Variants in TMEM26 observed in about 807,000 individuals in gnomAD.
The protein encoded by TMEM26 is transmembrane protein 26.
TMEM26 carries 38 observed loss-of-function variants against 28.8 expected under a neutral mutation model. The observed-to-expected ratio is 1.32, with a 90% confidence interval of 1.02 to 1.73. The LOEUF (loss-of-function observed/expected upper bound fraction) is 1.73, where lower values mean the gene tolerates loss of function less well. Among genes scored for constraint, TMEM26 ranks in the 40% most tolerant of loss-of-function variants. The pLI, the probability that TMEM26 is intolerant of heterozygous loss-of-function variation, is 0.00. For missense variants in TMEM26, 518 were observed against 447.1 expected (o/e 1.16, Z -1.43); for synonymous variants, 227 against 182.9 (o/e 1.24, Z -1.95).
intron 1 of TMEM26, among the ~76,000 whole-genome samples, chr10:61,447,748 C>T (rs1215408929): frequency 6.6e-6 from 1 of 152,086 alleles, no homozygotes; most frequent in Non-Finnish European, 1.5e-5. Context: ...TGTTATCCTC[C>T]CCATGCCTGG....
At chr10:61,435,017 T>A (rs1467646570) in intron 2 of TMEM26, among the ~76,000 whole-genome samples, 1 of 152,178 alleles carries the variant, frequency 6.6e-6, no homozygotes, top group African/African-American at 2.4e-5. Flanking sequence ...AACTATGAAG[T>A]CAAAGCTGGA....
Position 61,408,671 on chromosome 10 carries a change from A to G in TMEM26, c.*1651T>C, listed in dbSNP as rs779307207. The G allele has an allele frequency of 6.6e-6, 1 of 152,224 alleles. No individual in the cohort carries two copies. The highest frequency in any genetic ancestry group is 1.5e-5 in the Non-Finnish European group (1 of 68,032). The allele number at this position is 152,224 out of a possible 1,614,324, so 9.4% of individuals were successfully genotyped here. A position where few individuals can be genotyped will look rare whatever the true frequency, so the allele number is the denominator to read the frequency against. Reference sequence around the variant, plus strand: ...TTGTCAAGTGATTTACTTCATATAAATATAATTTCTTGATCTTAACTTTCA... The same window carrying G: ...TTGTCAAGTGATTTACTTCATATAAGTATAATTTCTTGATCTTAACTTTCA... On this transcript the variant is annotated 3_prime_UTR_variant, in exon 6 of 6. Coordinates refer to ENST00000399298, the MANE Select transcript of TMEM26 (RefSeq NM_178505.8).
intron 4 of TMEM26, among the ~76,000 whole-genome samples, chr10:61,425,847 T>A (rs1277395268): frequency 1.3e-5 from 2 of 152,136 alleles, no homozygotes; most frequent in African/African-American, 4.8e-5. Flanking sequence ...GGTGGGAATA[T>A]AAATTAATAC....
chr10:61,448,934 T>A (rs1386577711), intron 1 of TMEM26, among the ~76,000 whole-genome samples: 4 of 152,198 alleles, frequency 2.6e-5, no homozygotes, highest in Non-Finnish European at 5.9e-5. Flanking sequence ...TGTCACAGTC[T>A]TAGTAATTTT....
intron 1 of TMEM26, 169 bp downstream of exon 1, chr10:61,452,722 G>T: frequency 1.3e-6 from 1 of 783,830 alleles, no homozygotes; most frequent in Non-Finnish European, 2.0e-6. Context: ...GGTGGCCCTG[G>T]GGTGCCCAAG....
At chr10:61,417,738 A>G (rs961678249) in intron 4 of TMEM26, among the ~76,000 whole-genome samples, 20 of 152,008 alleles carry the variant, frequency 1.3e-4, no homozygotes, top group African/African-American at 4.8e-4. Flanking sequence ...TGTTGGGGGG[A>G]AAAAAGACTG....
chr10:61,451,336 G>A (rs1263081397), intron 1 of TMEM26, among the ~76,000 whole-genome samples: 1 of 152,142 alleles, frequency 6.6e-6, no homozygotes, highest in Admixed American at 6.5e-5. Flanking sequence ...TCTTGGAGGG[G>A]GAGAGCAGCC....
chr10:61,415,724 C>G (rs763822848), intron 4 of TMEM26, among the ~76,000 whole-genome samples: 30 of 151,968 alleles, frequency 2.0e-4, no homozygotes, highest in Non-Finnish European at 3.7e-4. Flanking sequence ...TAGGTCTGCT[C>G]TATTCTACAA....
chr10:61,443,920 T>C (rs749305038), intron 1 of TMEM26, among the ~76,000 whole-genome samples: 9 of 152,304 alleles, frequency 5.9e-5, no homozygotes, highest in Non-Finnish European at 8.8e-5. Context: ...AGGATCTACA[T>C]ACTATCTTTC....
At chr10:61,452,395 G>A (rs1840301711) in intron 1 of TMEM26, among the ~76,000 whole-genome samples, 2 of 152,240 alleles carry the variant, frequency 1.3e-5, no homozygotes, top group Admixed American at 6.5e-5. Context: ...AACCACAGAC[G>A]TGCAGCGAGG....
At position 61,448,268 on chromosome 10, in the gene TMEM26, G is replaced by A. The variant is rs573331933; in HGVS notation, c.191+4623C>T. On this transcript the variant is annotated intron_variant, in intron 1 of 5. Transcript: ENST00000399298. ...AAATGCTGTCAAGTTCCCTGTTCCC[G>A]ACCCAATATTCTGCAGCATATCCTT... 9.2e-5 allele frequency among the ~76,000 whole-genome samples: 14 copies of A among 152,288 alleles called. No individual in the cohort carries two copies. In the South Asian group the frequency reaches 2.5e-3, roughly 27 times the overall value.
intron 1 of TMEM26, among the ~76,000 whole-genome samples, chr10:61,443,709 T>G (rs1840133750): frequency 1.3e-5 from 2 of 152,140 alleles, no homozygotes; most frequent in Admixed American, 1.3e-4. Context: ...GTTGTTGCAA[T>G]TTAAAAAAAG....
At chr10:61,451,679 G>C (rs1432781434) in intron 1 of TMEM26, among the ~76,000 whole-genome samples, 1 of 152,122 alleles carries the variant, frequency 6.6e-6, no homozygotes, top group Non-Finnish European at 1.5e-5. Context: ...GGAGCCAGGG[G>C]TAGTCACATT....
At chr10:61,426,105 A>G (rs1223937605) in intron 4 of TMEM26, among the ~76,000 whole-genome samples, 3 of 152,158 alleles carry the variant, frequency 2.0e-5, no homozygotes, top group African/African-American at 7.2e-5. Flanking sequence ...ACTAGCAACT[A>G]AAGAGGAGCT....
chr10:61,426,087 A>T (rs1839826759), intron 4 of TMEM26, among the ~76,000 whole-genome samples: 1 of 152,162 alleles, frequency 6.6e-6, no homozygotes, highest in South Asian at 2.1e-4. Flanking sequence ...ATATGTGTTT[A>T]ATGGAACACT....
intron 5 of TMEM26, among the ~76,000 whole-genome samples, chr10:61,412,655 T>C (rs186269227): frequency 6.6e-6 from 1 of 152,240 alleles, no homozygotes; most frequent in East Asian, 1.9e-4. Flanking sequence ...CAACTGAACT[T>C]TCTGTGATGA....
chr10:61,444,102 C>T (rs959813880), intron 1 of TMEM26, among the ~76,000 whole-genome samples: 8 of 152,184 alleles, frequency 5.3e-5, no homozygotes, highest in African/African-American at 1.9e-4. Flanking sequence ...TGAAATGGTC[C>T]TTGTCAACAA....
chr10:61,431,976 G>A (rs963763234), intron 2 of TMEM26, among the ~76,000 whole-genome samples: 6 of 151,946 alleles, frequency 3.9e-5, no homozygotes, highest in African/African-American at 1.4e-4. Flanking sequence ...AGTGAAACAT[G>A]TGGTGTCTGA....
chr10:61,435,920 T>G (rs1839997821), intron 2 of TMEM26, among the ~76,000 whole-genome samples: 3 of 152,162 alleles, frequency 2.0e-5, no homozygotes, highest in African/African-American at 7.2e-5. Context: ...GTCTTAGTAA[T>G]AAGATCTCTA....
Sources: allele counts gnomAD v4.1 joint callset (sites outside exome capture counted in the v4.1 genomes callset), GRCh38; gene constraint gnomAD v4.1.1; transcripts MANE v1.5; gene names NCBI Gene and HGNC (gene_info 2026-07-23, HGNC 2026-07-21).